PROSER2: variants seen among roughly 807,000 people sequenced by gnomAD.
PROSER2 encodes proline and serine-rich protein 2.
PROSER2 carries 18 observed loss-of-function variants against 14.6 expected under a neutral mutation model. The observed-to-expected ratio is 1.23, with a 90% CI of 0.85 to 1.83. PROSER2 has a LOEUF of 1.83. PROSER2 is among the 40% of genes most tolerant of loss of function. The pLI is 0.00. For missense variants in PROSER2, 823 were observed against 629.8 expected (o/e 1.31, Z -3.28); for synonymous variants, 367 against 286.4 (o/e 1.28, Z -2.84).
At position 11,838,766 on chromosome 10, in the gene PROSER2, G is replaced by A. The variant is rs1014230170; in HGVS notation, c.-81-13231G>A. Among the ~76,000 whole-genome samples, 1 of 152,166 alleles carries A rather than the reference G, an allele frequency of 6.6e-6. No homozygotes were observed. Among genetic ancestry groups the A allele is most frequent in the Admixed American group, 6.5e-5 (1 of 15,284 alleles). ...ACTAGTGAGGTTGAACATCTGTCTTGTACTTAATAATCATCTGGTTTCCTC... is the reference window on the plus strand; with the variant it reads ...ACTAGTGAGGTTGAACATCTGTCTTATACTTAATAATCATCTGGTTTCCTC... On this transcript the variant is annotated intron_variant, in intron 1 of 3. Transcript: ENST00000277570. This position sits in a 1 kb window ranked among gnomAD's most constrained non-coding sequence, Gnocchi z 4.4.
intron 1 of PROSER2, among the ~76,000 whole-genome samples, chr10:11,829,774 G>C (rs1041648361): frequency 3.3e-5 from 5 of 151,368 alleles, no homozygotes. Flanking sequence ...GAATGAGATG[G>C]CACTAAAATG....
intron 1 of PROSER2, among the ~76,000 whole-genome samples, chr10:11,842,408 C>T (rs1450813036): frequency 6.6e-6 from 1 of 151,300 alleles, no homozygotes; most frequent in Non-Finnish European, 1.5e-5. Flanking sequence ...TTATCCCCTC[C>T]TCTAATTTAG....
At position 11,870,286 on chromosome 10, in the gene PROSER2, C is replaced by T. The variant is rs1834455988; in HGVS notation, c.1188C>T (p.Arg396=). ...PRQPNGAQDW[R]RADSLPRPQG... is the part of the protein sequence containing the mutation. ...AGCCCAACGGCGCCCAGGACTGGCG[C>T]CGCGCAGACTCCCTGCCCCGGCCCC... Residue 396 remains arginine, a synonymous_variant, in exon 4 of 4, where the codon CGC becomes CGT. Coordinates refer to ENST00000277570, the MANE Select transcript of PROSER2 (RefSeq NM_153256.4). 3.3e-6 allele frequency: 5 copies of T among 1,494,694 alleles called. No individual in the cohort carries two copies. Among genetic ancestry groups the T allele is most frequent in the African/African-American group, 1.5e-5 (1 of 68,582 alleles). 92.6% of individuals were successfully genotyped at this position (1,494,694 alleles called of 1,614,324 possible).
At chr10:11,844,572 C>T (rs1167504500) in intron 1 of PROSER2, among the ~76,000 whole-genome samples, 1 of 152,084 alleles carries the variant, frequency 6.6e-6, no homozygotes, top group African/African-American at 2.4e-5. Flanking sequence ...CATTTTTTTG[C>T]TCAGTAATAT....
chr10:11,823,380 G>C lies in PROSER2; in HGVS notation c.-172G>C, dbSNP rs1210942841. The stretch of plus-strand genomic sequence containing the variant: ...GGAGAGCGCGCGGCGGGGCGTCCCG[G>C]AACAGTCTGCGCCAGACGGGCGGCG... On this transcript the variant is annotated 5_prime_UTR_variant, in exon 1 of 4. Transcript: ENST00000277570. This position sits in a 1 kb window ranked among gnomAD's most constrained non-coding sequence, Gnocchi z 6.2. 7 of 152,378 alleles carry C rather than the reference G, an allele frequency of 4.6e-5. No individual in the cohort carries two copies. Among genetic ancestry groups the C allele is most frequent in the African/African-American group, 1.7e-4 (7 of 41,310 alleles). The allele number at this position is 152,378 out of a possible 1,614,324, so 9.4% of individuals were successfully genotyped here. A position where few individuals can be genotyped will look rare whatever the true frequency, so the allele number is the denominator to read the frequency against.
rs192049291 is a variant in PROSER2 at position 11,870,661 on chromosome 10, T to A, written c.*255T>A. The A allele has an allele frequency of 6.6e-5, 28 of 424,692 alleles. No individual in the cohort carries two copies. The highest frequency in any genetic ancestry group is 4.4e-4 in the African/African-American group (21 of 47,674). The allele number at this position is 424,692 out of a possible 1,614,324, so 26.3% of individuals were successfully genotyped here. A position where few individuals can be genotyped will look rare whatever the true frequency, so the allele number is the denominator to read the frequency against. ...GGCTTGTCTCCCTTTTCCCAAGAAC[T>A]GAGAGAGAGAGAATAACCTGTTAGA... On this transcript the variant is annotated 3_prime_UTR_variant, in exon 4 of 4. Coordinates refer to ENST00000277570, the MANE Select transcript of PROSER2 (RefSeq NM_153256.4).
In PROSER2 at chr10:11,870,306, G is replaced by A; in HGVS notation, c.1208G>A (p.Arg403Gln). ...QDWRRADSLP[R>Q]PQGITVQFAG... is the part of the protein sequence containing the mutation. Reference sequence around the variant, plus strand: ...TGGCGCCGCGCAGACTCCCTGCCCCGGCCCCAGGGCATCACCGTGCAGTTC... The same window carrying A: ...TGGCGCCGCGCAGACTCCCTGCCCCAGCCCCAGGGCATCACCGTGCAGTTC... The change falls in exon 4 of 4, where the codon CGG (arginine) becomes CAG (glutamine). Residue 403 changes from arginine to glutamine, a missense_variant. Arg to Gln is a conservative substitution (Grantham distance 43, BLOSUM62 1). Transcript: ENST00000277570. 1.3e-6 allele frequency: 2 copies of A among 1,493,852 alleles called. No homozygotes were observed. Among genetic ancestry groups the A allele is most frequent in the African/African-American group, 1.5e-5 (1 of 68,550 alleles). The allele number at this position is 1,493,852 out of a possible 1,614,324, so 92.5% of individuals were successfully genotyped here.
intron 2 of PROSER2, among the ~76,000 whole-genome samples, chr10:11,863,724 A>G (rs747200764): frequency 1.1e-4 from 17 of 152,152 alleles, no homozygotes; most frequent in Non-Finnish European, 2.1e-4. Context: ...ACATATTGCT[A>G]TATATCCTTT....
intron 3 of PROSER2, among the ~76,000 whole-genome samples, chr10:11,868,130 A>G (rs1834391645): frequency 6.6e-6 from 1 of 152,166 alleles, no homozygotes; most frequent in Non-Finnish European, 1.5e-5. Context: ...TTTTTACTGT[A>G]CTTCTGCTTT....
At chr10:11,829,835 A>ATTTT (rs5783232) in intron 1 of PROSER2, among the ~76,000 whole-genome samples, 10 of 66,276 alleles carry the variant, frequency 1.5e-4, no homozygotes, top group African/African-American at 2.5e-4. Context: ...TTTACTTCTG[A>ATTTT]TTTTTTTTTT....
At position 11,869,462 on chromosome 10, in the gene PROSER2, G is replaced by T; in HGVS notation, c.392-28G>T. 1 of 1,563,138 alleles carries T rather than the reference G, an allele frequency of 6.4e-7. No individual in the cohort carries two copies. Among genetic ancestry groups the T allele is most frequent in the South Asian group, 1.1e-5 (1 of 90,090 alleles). ...GCATTTACTTTCACGTGGGCCGGTG[G>T]CTCACAGGCTCCTCCCTTGTCTTCC... On this transcript the variant is annotated intron_variant, in intron 3 of 3. Coordinates refer to ENST00000277570, the MANE Select transcript of PROSER2 (RefSeq NM_153256.4). The surrounding 1 kb of genome is among the most constrained non-coding windows in gnomAD (Gnocchi z 4.4).
intron 2 of PROSER2, among the ~76,000 whole-genome samples, chr10:11,864,477 A>G (rs750044398): frequency 6.6e-6 from 1 of 152,162 alleles, no homozygotes. Context: ...AACCATTTGA[A>G]TGTAGTTGCT....
At chr10:11,864,587 TTTTTC>T (rs1834307276) in intron 2 of PROSER2, among the ~76,000 whole-genome samples, 1 of 141,652 alleles carries the variant, frequency 7.1e-6, no homozygotes, top group African/African-American at 2.6e-5. Context: ...CTGAATTTTT[TTTTTC>T]TTTTTTTTTT....
intron 1 of PROSER2, among the ~76,000 whole-genome samples, chr10:11,840,839 C>T (rs1398612089): frequency 1.4e-5 from 2 of 145,082 alleles, no homozygotes; most frequent in Admixed American, 7.0e-5. Context: ...GCAGGAGAAT[C>T]GCTTGAACCA....
At chr10:11,833,708 G>C (rs1361641252) in intron 1 of PROSER2, among the ~76,000 whole-genome samples, 3 of 152,118 alleles carry the variant, frequency 2.0e-5, no homozygotes, top group Non-Finnish European at 2.9e-5. Context: ...CAAAAAAAGA[G>C]CTTTGCCTAC....
At position 11,866,713 on chromosome 10, in the gene PROSER2, C is replaced by G; in HGVS notation, c.321C>G (p.Val107=). 1 of 1,614,000 alleles carries G rather than the reference C, an allele frequency of 6.2e-7. No individual in the cohort carries two copies. Among genetic ancestry groups the G allele is most frequent in the Non-Finnish European group, 8.5e-7 (1 of 1,180,020 alleles). ...CCAGTCCCTCCGAGCCTGAAGATGT[C>G]ATCGACTTAGTGCAGCCAGCACCTG... ...STSSPSEPED[V]IDLVQPAPGA... The change falls in exon 3 of 4, where the codon GTC becomes GTG. Residue 107 remains valine, a synonymous_variant. Transcript: ENST00000277570. This position sits in a 1 kb window ranked among gnomAD's most constrained non-coding sequence, Gnocchi z 6.0.
intron 3 of PROSER2, among the ~76,000 whole-genome samples, chr10:11,868,063 A>G (rs1834390543): frequency 6.6e-6 from 1 of 152,232 alleles, no homozygotes; most frequent in Non-Finnish European, 1.5e-5. Flanking sequence ...ATTCCATGTA[A>G]ATATGGAGCT....
intron 1 of PROSER2, among the ~76,000 whole-genome samples, chr10:11,843,519 C>A (rs1198274494): frequency 6.6e-6 from 1 of 151,934 alleles, no homozygotes; most frequent in Non-Finnish European, 1.5e-5. Context: ...AACCCCGTCC[C>A]TACTAAAGAT....
intron 1 of PROSER2, among the ~76,000 whole-genome samples, chr10:11,831,147 T>C (rs1486801131): frequency 6.6e-6 from 1 of 152,198 alleles, no homozygotes; most frequent in Non-Finnish European, 1.5e-5. Context: ...ATACCAGTGC[T>C]AAATGAACAT....
Sources: gnomAD v4.1 joint callset for allele counts (sites outside exome capture counted in the v4.1 genomes callset) on GRCh38, gnomAD v4.1.1 for gene constraint, Gnocchi (gnomAD v3.1) non-coding constraint, MANE v1.5 for transcripts, NCBI Gene and HGNC (gene_info 2026-07-23, HGNC 2026-07-21) for gene names.